Variants in DEF6 observed in about 807,000 individuals in gnomAD.
DEF6 encodes DEF6 guanine nucleotide exchange factor.
Under a neutral mutation model 80.5 loss-of-function variants are expected in DEF6, and 32 were observed. The ratio of observed to expected loss-of-function variants is 0.40; its 90% confidence interval spans 0.30 to 0.53. The LOEUF is 0.53. Among genes scored for constraint, DEF6 ranks in the 20% least tolerant of loss-of-function variants. The probability of loss-of-function intolerance (pLI) is 0.57; values close to 1 mark genes in which losing one functional copy is unlikely to be tolerated. For missense variants in DEF6, 575 were observed against 818.7 expected (o/e 0.70, Z 3.63); for synonymous variants, 300 against 337.9 (o/e 0.89, Z 1.23).
intron 2 of DEF6, among the ~76,000 whole-genome samples, chr6:35,310,037 C>T (rs1251265008): frequency 1.3e-5 from 2 of 151,578 alleles, no homozygotes; most frequent in South Asian, 2.1e-4. Context: ...ATGAGGTGGG[C>T]CCCACCCTAC....
At chr6:35,307,742 C>G (rs1440504045) in intron 1 of DEF6, among the ~76,000 whole-genome samples, 1 of 152,196 alleles carries the variant, frequency 6.6e-6, no homozygotes. Flanking sequence ...AGGAAATACT[C>G]CCTTCCTGGG....
chr6:35,310,063 G>A (rs1233433324), intron 2 of DEF6, among the ~76,000 whole-genome samples: 1 of 148,728 alleles, frequency 6.7e-6, no homozygotes, highest in Non-Finnish European at 1.5e-5. Flanking sequence ...ACCTTCCACC[G>A]AATCCCTGCC....
chr6:35,319,608 A>C lies in DEF6; in HGVS notation c.1300A>C (p.Met434Leu). The C allele has an allele frequency of 1.2e-6, 2 of 1,613,766 alleles. No individual in the cohort carries two copies. The highest frequency in any genetic ancestry group is 1.7e-6 in the Non-Finnish European group (2 of 1,179,884). The change falls in exon 8 of 11, where the codon ATG becomes CTG. Residue 434 changes from methionine (M) to leucine (L), a missense_variant. By Grantham distance (15) the Met-to-Leu change is conservative. Coordinates refer to ENST00000316637, the MANE Select transcript of DEF6 (RefSeq NM_022047.4). This position sits in a 1 kb window ranked among gnomAD's most constrained non-coding sequence, Gnocchi z 4.5. ...QRQRIKELEE[M>L]QQRLQEALQL... is the part of the protein sequence containing the mutation. ...GCAGCGCATCAAGGAGCTGGAGGAG[A>C]TGCAGCAGCGGTTGCAGGAGGCCCT...
At position 35,320,878 on chromosome 6, in the gene DEF6, C is replaced by T. The variant is rs559492290; in HGVS notation, c.1582-6C>T. ...TGATCACTCCCCACTGGCCCTGTCCCCACAGGCTGCCCAGAGAAAACTGCG... is the reference window on the plus strand; with the variant it reads ...TGATCACTCCCCACTGGCCCTGTCCTCACAGGCTGCCCAGAGAAAACTGCG... On this transcript the variant is annotated splice_polypyrimidine_tract_variant and splice_region_variant and intron_variant, in intron 9 of 10. Coordinates refer to ENST00000316637, the MANE Select transcript of DEF6 (RefSeq NM_022047.4). 358 of 1,604,472 alleles carry T rather than the reference C, an allele frequency of 2.2e-4. 6 individuals are homozygous for T. In the South Asian group the frequency reaches 3.7e-3, roughly 17 times the overall value.
At position 35,318,328 on chromosome 6, in the gene DEF6, G is replaced by A. The variant is rs916114421; in HGVS notation, c.1072G>A (p.Glu358Lys). 7 of 1,546,586 alleles carry A rather than the reference G, an allele frequency of 4.5e-6. No individual in the cohort carries two copies. The highest frequency in any genetic ancestry group is 6.1e-6 in the Non-Finnish European group (7 of 1,147,106). ...LRLQQLQEEK[E>K]RKLQELELLQ... is the part of the protein sequence containing the mutation. ...GCTGCAGCAGCTGCAGGAGGAGAAG[G>A]AGCGGAAGCTGCAGGAGCTGGAGCT... is the stretch of plus-strand genomic sequence containing the variant. The change falls in exon 7 of 11, where the codon GAG (glutamate) becomes AAG (lysine). Residue 358 changes from glutamate (E) to lysine (K), a missense_variant. By Grantham distance (56) the Glu-to-Lys change is moderately conservative (BLOSUM62 1). Transcript: ENST00000316637. The surrounding 1 kb of genome is among the most constrained non-coding windows in gnomAD (Gnocchi z 5.1).
Position 35,318,324 on chromosome 6 carries a change from G to T in DEF6, c.1068G>T (p.Glu356Asp). The T allele has an allele frequency of 6.5e-7, 1 of 1,546,854 alleles. No individual in the cohort carries two copies. ...ELLRLQQLQE[E>D]KERKLQELEL... Reference sequence around the variant, plus strand: ...TGCGGCTGCAGCAGCTGCAGGAGGAGAAGGAGCGGAAGCTGCAGGAGCTGG... The same window carrying T: ...TGCGGCTGCAGCAGCTGCAGGAGGATAAGGAGCGGAAGCTGCAGGAGCTGG... The change falls in exon 7 of 11, where the codon GAG becomes GAT. Residue 356 changes from glutamate (E) to aspartate (D), a missense_variant. By Grantham distance (45) the Glu-to-Asp change is conservative. Coordinates refer to ENST00000316637, the MANE Select transcript of DEF6 (RefSeq NM_022047.4). This position sits in a 1 kb window ranked among gnomAD's most constrained non-coding sequence, Gnocchi z 5.1.
intron 1 of DEF6, among the ~76,000 whole-genome samples, chr6:35,306,890 G>A (rs1791399163): frequency 6.6e-6 from 1 of 152,234 alleles, no homozygotes. Context: ...CCTCACAGAG[G>A]AGGAGACTAA....
In DEF6 at chr6:35,313,878, A is replaced by G. The variant is rs935451042; in HGVS notation, c.807+1106A>G. Among the ~76,000 whole-genome samples, 6 of 152,346 alleles carry G rather than the reference A, an allele frequency of 3.9e-5. No individual in the cohort carries two copies. In the East Asian group the frequency reaches 7.7e-4, roughly 20 times the overall value. ...CTTAGGTTGATTTCATATTTTGGCC[A>G]TTATGAATATCTCTGCAGTAAACAT... On this transcript the variant is annotated intron_variant, in intron 5 of 10. Coordinates refer to ENST00000316637, the MANE Select transcript of DEF6 (RefSeq NM_022047.4).
In DEF6 at chr6:35,297,914, G is replaced by A. The variant is rs376005805; in HGVS notation, c.58G>A (p.Val20Met). ...CTGGTACGCCTTTACCGCGCTGGAC[G>A]TGGAGAAGAGTGGCAAAGTCTCCAA... ...SIWYAFTALDVEKSGKVSKSQ... is the reference protein window; with the variant it reads ...SIWYAFTALDMEKSGKVSKSQ... Residue 20 changes from valine (V) to methionine (M), a missense_variant, in exon 1 of 11, where the codon GTG (valine) becomes ATG (methionine). Coordinates refer to ENST00000316637, the MANE Select transcript of DEF6 (RefSeq NM_022047.4). 16 of 1,607,152 alleles carry A rather than the reference G, an allele frequency of 1.0e-5. No individual in the cohort carries two copies. Among genetic ancestry groups the A allele is most frequent in the Middle Eastern group, 1.7e-4 (1 of 6,050 alleles).
intron 1 of DEF6, among the ~76,000 whole-genome samples, chr6:35,302,119 T>C (rs1791322649): frequency 6.6e-6 from 1 of 151,946 alleles, no homozygotes; most frequent in Admixed American, 6.5e-5. Flanking sequence ...CCCAGCACTT[T>C]GGGAGGCCAT....
rs1214448145 is a variant in DEF6 at position 35,318,270 on chromosome 6, G to A, written c.1014G>A (p.Arg338=). ...KRREQREQRE[R]RRAAKEEELL... is the part of the protein sequence containing the mutation. ...GCGAGCAGCGGGAGCAGCGGGAGCG[G>A]CGCCGGGCGGCCAAGGAAGAGGAGC... is the stretch of plus-strand genomic sequence containing the variant. The change falls in exon 7 of 11, where the codon CGG becomes CGA. Residue 338 remains arginine, a synonymous_variant. Coordinates refer to ENST00000316637, the MANE Select transcript of DEF6 (RefSeq NM_022047.4). The surrounding 1 kb of genome is among the most constrained non-coding windows in gnomAD (Gnocchi z 5.1). 4.5e-6 allele frequency: 7 copies of A among 1,571,184 alleles called. No homozygotes were observed. The highest frequency in any genetic ancestry group is 6.0e-6 in the Non-Finnish European group (7 of 1,159,882).
At chr6:35,321,024 G>A in intron 10 of DEF6, 50 bp downstream of exon 10, 1 of 1,603,160 alleles carries the variant, frequency 6.2e-7, no homozygotes, top group South Asian at 1.1e-5. Flanking sequence ...GAGGGAGAAA[G>A]GAGGGAGAAA....
At chr6:35,304,619 G>A (rs1423956432) in intron 1 of DEF6, among the ~76,000 whole-genome samples, 17 of 152,186 alleles carry the variant, frequency 1.1e-4, no homozygotes, top group Admixed American at 1.0e-3. Context: ...GGAAGGACTC[G>A]AACTTTTACT....
intron 1 of DEF6, among the ~76,000 whole-genome samples, chr6:35,306,425 C>T (rs1258191498): frequency 6.6e-6 from 1 of 151,560 alleles, no homozygotes; most frequent in South Asian, 2.1e-4. Context: ...GAAGGAGAAG[C>T]ACCTGAACCC....
At chr6:35,304,193 C>T (rs766557882) in intron 1 of DEF6, among the ~76,000 whole-genome samples, 1 of 152,142 alleles carries the variant, frequency 6.6e-6, no homozygotes, top group Non-Finnish European at 1.5e-5. Flanking sequence ...TGATGGCGCA[C>T]GCCTACAGTT....
chr6:35,321,100 C>A, intron 10 of DEF6, 87 bp from the exon 11 acceptor site: 1 of 1,552,502 alleles, frequency 6.4e-7, no homozygotes, highest in Non-Finnish European at 8.8e-7. Flanking sequence ...TCAGGAGGCT[C>A]CCCTCTCCTC....
At chr6:35,316,772 A>T (rs1232944824) in intron 5 of DEF6, among the ~76,000 whole-genome samples, 2 of 152,178 alleles carry the variant, frequency 1.3e-5, no homozygotes, top group African/African-American at 4.8e-5. Context: ...ATGGTGAAAG[A>T]TCTATACTCA....
At position 35,306,451 on chromosome 6, in the gene DEF6, C is replaced by T. The variant is rs983268562; in HGVS notation, c.97-3219C>T. 4.0e-5 allele frequency among the ~76,000 whole-genome samples: 6 copies of T among 151,026 alleles called. No individual in the cohort carries two copies. In the East Asian group the frequency reaches 7.9e-4, roughly 20 times the overall value. ...ACCTGAACCCGAGAGGCAGAGGTTG[C>T]GGTGAGCCGAGATCACGCCATTGCA... On this transcript the variant is annotated intron_variant, in intron 1 of 10. Transcript: ENST00000316637.
At position 35,319,397 on chromosome 6, in the gene DEF6, C is replaced by T. The variant is rs1791560836; in HGVS notation, c.1216-127C>T. ...TCAGAAAGGGGTCAGATCAGGAAAC[C>T]CCAACATGAAGGAGTTCCCCAGACC... is the stretch of plus-strand genomic sequence containing the variant. On this transcript the variant is annotated intron_variant, in intron 7 of 10. Transcript: ENST00000316637. The surrounding 1 kb of genome is among the most constrained non-coding windows in gnomAD (Gnocchi z 4.5). 1 of 669,544 alleles carries T rather than the reference C, an allele frequency of 1.5e-6. No individual in the cohort carries two copies. Among genetic ancestry groups the T allele is most frequent in the African/African-American group, 1.8e-5 (1 of 54,846 alleles). The allele number at this position is 669,544 out of a possible 1,614,324, so 41.5% of individuals were successfully genotyped here. A position where few individuals can be genotyped will look rare whatever the true frequency, so the allele number is the denominator to read the frequency against.
Sources: gnomAD v4.1 joint callset for allele counts (sites outside exome capture counted in the v4.1 genomes callset) on GRCh38, gnomAD v4.1.1 for gene constraint, Gnocchi (gnomAD v3.1) non-coding constraint, MANE v1.5 for transcripts, NCBI Gene and HGNC (gene_info 2026-07-23, HGNC 2026-07-21) for gene names.